AFG2A: variants seen among roughly 807,000 people sequenced by gnomAD.
The protein encoded by AFG2A is ATPase family gene 2 protein homolog A.
At chr4:123,090,509 T>G in the AFG2A span, 2 of 1,556,606 alleles carry the variant, frequency 1.3e-6, no homozygotes, top group African/African-American at 2.8e-5. Flanking sequence ...TATAGAACCT[T>G]TAAAAATTAA....
At chr4:123,164,627 ATTATCTAATTAAGAT>A in the AFG2A span, among the ~76,000 whole-genome samples, 1 of 152,206 alleles carries the variant, frequency 6.6e-6, no homozygotes, top group Non-Finnish European at 1.5e-5. Context: ...TAATTGTATA[ATTATCTAATTAAGAT>A]TTATTGAAAT....
chr4:123,067,714 T>G, the AFG2A span, among the ~76,000 whole-genome samples: 2 of 152,144 alleles, frequency 1.3e-5, no homozygotes, highest in Non-Finnish European at 2.9e-5. Context: ...TCTGTGAAAA[T>G]TTTTAGTACT....
At chr4:123,001,738 T>A in the AFG2A span, among the ~76,000 whole-genome samples, 20 of 152,312 alleles carry the variant, frequency 1.3e-4, no homozygotes, top group Admixed American at 2.6e-4. Flanking sequence ...GTGGTCAATT[T>A]TGGAATAGGT....
chr4:123,041,108 TTTA>T, the AFG2A span, among the ~76,000 whole-genome samples: 7 of 150,940 alleles, frequency 4.6e-5, no homozygotes, highest in African/African-American at 1.7e-4. Context: ...TAATTTTTTA[TTTA>T]TTATTATTAT....
At chr4:123,232,702 G>A in the AFG2A span, among the ~76,000 whole-genome samples, 1 of 152,130 alleles carries the variant, frequency 6.6e-6, no homozygotes, top group East Asian at 1.9e-4. Context: ...GGAGATATCT[G>A]ATGGAAAAGA....
At chr4:123,295,967 G>A in the AFG2A span, among the ~76,000 whole-genome samples, 114 of 152,178 alleles carry the variant, frequency 7.5e-4, no homozygotes, top group African/African-American at 2.6e-3. Context: ...AACATTTTTC[G>A]GGAAGGTGGC....
chr4:123,016,570 C>A, the AFG2A span, among the ~76,000 whole-genome samples: 1 of 150,012 alleles, frequency 6.7e-6, no homozygotes, highest in African/African-American at 2.5e-5. Context: ...GGATGGCGGC[C>A]GGGTAGAGGT....
chr4:123,143,642 T>C, the AFG2A span, among the ~76,000 whole-genome samples: 3 of 151,816 alleles, frequency 2.0e-5, no homozygotes, highest in Non-Finnish European at 4.4e-5. Context: ...GGAGAAATTA[T>C]GTTAATAAAT....
the AFG2A span, chr4:122,938,079 A>C: frequency 6.6e-7 from 1 of 1,505,454 alleles, no homozygotes; most frequent in African/African-American, 1.4e-5. Context: ...AGTAAAACTT[A>C]AAATCAAATA....
At chr4:123,174,811 A>G in the AFG2A span, among the ~76,000 whole-genome samples, 148 of 115,168 alleles carry the variant, frequency 1.3e-3, 3 homozygotes, top group South Asian at 0.034. Flanking sequence ...TATTTTTCTG[A>G]TCTTTTTTAA....
chr4:123,197,390 G>A, the AFG2A span, among the ~76,000 whole-genome samples: 1 of 152,102 alleles, frequency 6.6e-6, no homozygotes, highest in Non-Finnish European at 1.5e-5. Flanking sequence ...AAACAAATAA[G>A]ATTTTTTACA....
At chr4:123,063,244 T>A in the AFG2A span, among the ~76,000 whole-genome samples, 800 of 152,290 alleles carry the variant, frequency 5.3e-3, 7 homozygotes, top group African/African-American at 0.018. Context: ...AAGTATAAAA[T>A]TCCCAAGATA....
At chr4:123,202,826 AC>A in the AFG2A span, among the ~76,000 whole-genome samples, 1 of 152,172 alleles carries the variant, frequency 6.6e-6, no homozygotes, top group East Asian at 1.9e-4. Flanking sequence ...TCCTCTGGCA[AC>A]CACTAGTCTG....
the AFG2A span, among the ~76,000 whole-genome samples, chr4:123,161,402 G>A: frequency 5.3e-5 from 8 of 152,144 alleles, no homozygotes; most frequent in African/African-American, 1.9e-4. Context: ...TCCAGCAGGG[G>A]TGACTAAGTG....
the AFG2A span, among the ~76,000 whole-genome samples, chr4:122,999,077 T>G: frequency 6.7e-6 from 1 of 149,482 alleles, no homozygotes; most frequent in Admixed American, 6.7e-5. Context: ...GGTGAGCATT[T>G]TTTCATGTGT....
chr4:123,256,725 T>C, the AFG2A span: 1 of 985,328 alleles, frequency 1.0e-6, no homozygotes, highest in African/African-American at 1.7e-5. Context: ...CATCTGCCCT[T>C]ACCTCTGAAG....
At chr4:123,287,110 G>C in the AFG2A span, among the ~76,000 whole-genome samples, 8 of 152,144 alleles carry the variant, frequency 5.3e-5, no homozygotes, top group African/African-American at 1.7e-4. Flanking sequence ...TCAGAAAAGG[G>C]AGGGTGTGAC....
the AFG2A span, among the ~76,000 whole-genome samples, chr4:123,082,768 T>C: frequency 6.6e-6 from 1 of 152,102 alleles, no homozygotes; most frequent in South Asian, 2.1e-4. Flanking sequence ...AGAATTGACA[T>C]CTTAACAGTG....
the AFG2A span, among the ~76,000 whole-genome samples, chr4:123,103,938 A>G: frequency 6.6e-6 from 1 of 152,154 alleles, no homozygotes; most frequent in Non-Finnish European, 1.5e-5. Context: ...CAGGGACAGA[A>G]ATCAGTTCGG....
Sources: allele counts gnomAD v4.1 joint callset (sites outside exome capture counted in the v4.1 genomes callset), GRCh38; gene constraint gnomAD v4.1.1; transcripts MANE v1.5; gene names NCBI Gene and HGNC (gene_info 2026-07-23, HGNC 2026-07-21).